Variants in CLDN14 observed in about 807,000 individuals in gnomAD.
The protein encoded by CLDN14 is claudin-14.
A neutral mutation model predicts 2.1 loss-of-function variants in CLDN14; 2 were observed. That is an observed-to-expected ratio of 0.96 (90% CI 0.39 to 3.01). The LOEUF is 3.01. CLDN14 is among the 30% of genes most tolerant of loss of function. The pLI is 0.09. For synonymous variants in CLDN14, 136 were observed against 154.4 expected (o/e 0.88, Z 0.88); for missense variants, 298 against 328.0 (o/e 0.91, Z 0.71).
intron 1 of CLDN14, among the ~76,000 whole-genome samples, chr21:36,463,467 T>A (rs2086605929): frequency 6.6e-6 from 1 of 152,182 alleles, no homozygotes; most frequent in Admixed American, 6.5e-5. Flanking sequence ...ATCCCAGCAC[T>A]TTGGGAGGCT....
chr21:36,505,868 A>G (rs540804666), intron 2 of CLDN14, among the ~76,000 whole-genome samples: 5 of 152,220 alleles, frequency 3.3e-5, no homozygotes, highest in Non-Finnish European at 7.3e-5. Context: ...GTGGACTTCC[A>G]TTTATGGGTA....
At chr21:36,483,544 T>C (rs1428434152), upstream of CLDN14, among the ~76,000 whole-genome samples, 1 of 152,172 alleles carries the variant, frequency 6.6e-6, no homozygotes, top group Non-Finnish European at 1.5e-5. Flanking sequence ...TGAGGCCTCA[T>C]AGGAACCATG....
intron 1 of CLDN14, among the ~76,000 whole-genome samples, chr21:36,515,001 T>C (rs184993667): frequency 6.6e-6 from 1 of 152,056 alleles, no homozygotes; most frequent in South Asian, 2.1e-4. Flanking sequence ...CATTTAAAAA[T>C]TTTCCCACTT....
At chr21:36,522,167 C>T (rs1011273008) in intron 1 of CLDN14, among the ~76,000 whole-genome samples, 2 of 152,158 alleles carry the variant, frequency 1.3e-5, no homozygotes, top group African/African-American at 2.4e-5. Flanking sequence ...AACCCATCTT[C>T]TTTTCACGTC....
In CLDN14 at chr21:36,461,741, C is replaced by T. The variant is rs779699092; in HGVS notation, c.-46G>A. 7.3e-5 allele frequency: 112 copies of T among 1,539,856 alleles called. 1 individual carries two copies. Among genetic ancestry groups the T allele is most frequent in the South Asian group, 9.6e-5 (8 of 83,692 alleles). ...CCAGCCGGGCAGCTCCCTGGGCCCT[C>T]GGGGTCACGCCGCTCCTCAGGTGCC... is the stretch of plus-strand genomic sequence containing the variant. On this transcript the variant is annotated 5_prime_UTR_variant, in exon 2 of 2. Coordinates refer to ENST00000399135, the MANE Select transcript of CLDN14 (RefSeq NM_001146079.2).
In CLDN14 at chr21:36,514,643, G is replaced by A. The variant is rs868586795; in HGVS notation, c.-219-4143C>T. The stretch of plus-strand genomic sequence containing the variant: ...AGAAAGTGTGTGTGTGTGTGTGTGT[G>A]TGTGTGTGTGTGTGTGTGTAGAGAG... On this transcript the variant is annotated intron_variant, in intron 1 of 2. Coordinates refer to the CLDN14 transcript ENST00000342108. Among the ~76,000 whole-genome samples the A allele has an allele frequency of 3.3e-5, 5 of 149,594 alleles. No individual in the cohort carries two copies. The South Asian group carries it at 1.1e-3, about 33-fold the overall frequency.
rs115976902 is a variant in CLDN14 at position 36,552,325 on chromosome 21, C to A, written c.-220+24086G>T. Reference sequence around the variant, plus strand: ...TGCAAAGACGCATGCACTTTTGCTGCCTATCTTAACAGACAAGTGGGCTTT... The same window carrying A: ...TGCAAAGACGCATGCACTTTTGCTGACTATCTTAACAGACAAGTGGGCTTT... On this transcript the variant is annotated intron_variant, in intron 1 of 2. Transcript: ENST00000342108. Among the ~76,000 whole-genome samples, 525 of 152,338 alleles carry A rather than the reference C, an allele frequency of 3.4e-3. 2 individuals carry two copies. The highest frequency in any genetic ancestry group is 0.012 in the African/African-American group (510 of 41,574).
At chr21:36,534,179 G>C (rs559155415) in intron 1 of CLDN14, among the ~76,000 whole-genome samples, 2 of 152,152 alleles carry the variant, frequency 1.3e-5, no homozygotes, top group South Asian at 4.1e-4. Context: ...TCAGCTCACT[G>C]CAAACTCCGC....
chr21:36,461,233 C>A lies in CLDN14; in HGVS notation c.463G>T (p.Gly155Cys), dbSNP rs749603296. 1.2e-6 allele frequency: 2 copies of A among 1,613,942 alleles called. No homozygotes were observed. Among genetic ancestry groups the A allele is most frequent in the Non-Finnish European group, 1.7e-6 (2 of 1,180,034 alleles). The stretch of plus-strand genomic sequence containing the variant: ...GCCTGGCCAATCTCAAACTTCATGC[C>A]GCTGGGCAGCAGCGGGTTGTAGAAG... ...QNFYNPLLPS[G>C]MKFEIGQALY... Residue 155 changes from glycine (G) to cysteine (C), a missense_variant, in exon 2 of 2, where the codon GGC becomes TGC. Coordinates refer to ENST00000399135, the MANE Select transcript of CLDN14 (RefSeq NM_001146079.2).
chr21:36,493,262 G>A (rs1199086774), intron 2 of CLDN14, among the ~76,000 whole-genome samples: 2 of 152,172 alleles, frequency 1.3e-5, no homozygotes, highest in Admixed American at 6.5e-5. Context: ...ACAGTTGGGG[G>A]TGTCACCACA....
rs200651246 is a variant in CLDN14 at position 36,461,109 on chromosome 21, G to A, written c.587C>T (p.Ala196Val). 181 of 1,614,170 alleles carry A rather than the reference G, an allele frequency of 1.1e-4. 1 individual carries two copies. In the East Asian group the frequency reaches 3.9e-3, roughly 35 times the overall value. Residue 196 changes from alanine to valine, a missense_variant, in exon 2 of 2, where the codon GCC becomes GTC. Transcript: ENST00000399135. ...QDEAPYRPYQ[A>V]PPRATTTTAN... ...AGTGGTCGTGGTGGCCCTGGGCGGG[G>A]CCTGGTAGGGCCTGTAGGGTGCCTC...
At chr21:36,528,517 C>T (rs1436021852) in intron 1 of CLDN14, among the ~76,000 whole-genome samples, 1 of 152,224 alleles carries the variant, frequency 6.6e-6, no homozygotes, top group Non-Finnish European at 1.5e-5. Context: ...CTGTTATTTC[C>T]CAGTTTCTGC....
In CLDN14 at chr21:36,460,866, A is replaced by G; in HGVS notation, c.*110T>C. The G allele has an allele frequency of 3.1e-6, 4 of 1,275,738 alleles. No homozygotes were observed. Among genetic ancestry groups the G allele is most frequent in the Non-Finnish European group, 4.4e-6 (4 of 906,780 alleles). 79.0% of individuals were successfully genotyped at this position (1,275,738 alleles called of 1,614,324 possible). A position where few individuals can be genotyped will look rare whatever the true frequency, so the allele number is the denominator to read the frequency against. The stretch of plus-strand genomic sequence containing the variant: ...CCTCGCATTCACATTATTTCCTTGG[A>G]TACAAAAATTGCCCAGAAGTAAACT... On this transcript the variant is annotated 3_prime_UTR_variant, in exon 2 of 2. Coordinates refer to ENST00000399135, the MANE Select transcript of CLDN14 (RefSeq NM_001146079.2). This position sits in a 1 kb window ranked among gnomAD's most constrained non-coding sequence, Gnocchi z 4.0.
At chr21:36,473,426 T>C (rs1432116401) in intron 1 of CLDN14, among the ~76,000 whole-genome samples, 1 of 152,230 alleles carries the variant, frequency 6.6e-6, no homozygotes, top group Non-Finnish European at 1.5e-5. Flanking sequence ...TTGAGAATCA[T>C]GCAAGCCAAT....
At chr21:36,489,131 A>AAAAAAAAAAAAAATATATATAT in intron 2 of CLDN14, among the ~76,000 whole-genome samples, 2 of 62,738 alleles carry the variant, frequency 3.2e-5, no homozygotes, top group Non-Finnish European at 6.0e-5. Context: ...AAAAAAAAAA[A>AAAAAAAAAAAAAATATATATAT]ATATATATAT....
intron 1 of CLDN14, among the ~76,000 whole-genome samples, chr21:36,539,502 T>C (rs1248676829): frequency 6.9e-6 from 1 of 144,076 alleles, no homozygotes; most frequent in African/African-American, 2.6e-5. Flanking sequence ...GTGTGCAGAG[T>C]GTGTGGAGTG....
chr21:36,484,101 C>T (rs983942556), upstream of CLDN14, among the ~76,000 whole-genome samples: 4 of 152,260 alleles, frequency 2.6e-5, no homozygotes, highest in South Asian at 2.1e-4. Context: ...TGCTCAGACA[C>T]GGTCTGGATT....
chr21:36,483,257 G>A (rs893204113), upstream of CLDN14, among the ~76,000 whole-genome samples: 1 of 148,716 alleles, frequency 6.7e-6, no homozygotes, highest in Admixed American at 6.8e-5. Context: ...TTTCTGACTC[G>A]GGGTCTGCAT....
chr21:36,527,812 C>A (rs1181766443), intron 1 of CLDN14, among the ~76,000 whole-genome samples: 1 of 151,370 alleles, frequency 6.6e-6, no homozygotes, highest in African/African-American at 2.4e-5. Context: ...TTTCTTGTTG[C>A]TTGTTCTTCT....
Sources: gnomAD v4.1 joint callset for allele counts (sites outside exome capture counted in the v4.1 genomes callset) on GRCh38, gnomAD v4.1.1 for gene constraint, Gnocchi (gnomAD v3.1) non-coding constraint, MANE v1.5 for transcripts, NCBI Gene and HGNC (gene_info 2026-07-23, HGNC 2026-07-21) for gene names.